CHST11: variants seen among roughly 807,000 people sequenced by gnomAD.
CHST11 encodes C4S-1.
Under a neutral mutation model 30.4 loss-of-function variants are expected in CHST11, and 9 were observed. That is an observed-to-expected ratio of 0.30 (90% CI 0.18 to 0.52). CHST11 has a LOEUF of 0.52. Among genes scored for constraint, CHST11 ranks in the 20% least tolerant of loss-of-function variants. The pLI is 0.97. For missense variants in CHST11, 348 were observed against 460.6 expected (o/e 0.76, Z 2.24); for synonymous variants, 152 against 187.8 (o/e 0.81, Z 1.56).
intron 1 of CHST11, among the ~76,000 whole-genome samples, chr12:104,521,683 G>A (rs1409931464): frequency 2.0e-5 from 3 of 152,156 alleles, no homozygotes; most frequent in Admixed American, 6.5e-5. Flanking sequence ...GGTGTCCTGC[G>A]TAACGGTGTC....
chr12:104,577,569 A>G (rs2038697703), intron 1 of CHST11, among the ~76,000 whole-genome samples: 1 of 145,218 alleles, frequency 6.9e-6, no homozygotes, highest in African/African-American at 2.5e-5. Context: ...TGAGGCAGAC[A>G]CTAGTGAGCT....
chr12:104,515,792 G>T (rs375662147), intron 1 of CHST11, among the ~76,000 whole-genome samples: 1 of 152,206 alleles, frequency 6.6e-6, no homozygotes, highest in South Asian at 2.1e-4. Context: ...TGGGGTGTGA[G>T]CCCTGAACCT....
intron 2 of CHST11, among the ~76,000 whole-genome samples, chr12:104,661,580 G>A (rs7974091): frequency 0.4 from 61,290 of 151,960 alleles, 12,540 homozygotes; most frequent in South Asian, 0.45. Context: ...TGGCACCATC[G>A]CTGCACATTT....
rs143419541 is a variant in CHST11 at position 104,632,114 on chromosome 12, G to T, written c.204+30123G>T. 1.2e-3 allele frequency among the ~76,000 whole-genome samples: 185 copies of T among 152,264 alleles called. 1 individual carries two copies. Among genetic ancestry groups the T allele is most frequent in the African/African-American group, 4.1e-3 (171 of 41,548 alleles). On this transcript the variant is annotated intron_variant, in intron 2 of 2. Coordinates refer to ENST00000303694, the MANE Select transcript of CHST11 (RefSeq NM_018413.6). ...TGTGAAGCAGAGCCCCGTCCCCGAG[G>T]TGTCTGCAATGTGGGGAGGTGATGC...
chr12:104,634,362 C>T (rs1408334045), intron 2 of CHST11, among the ~76,000 whole-genome samples: 2 of 152,062 alleles, frequency 1.3e-5, no homozygotes, highest in African/African-American at 4.8e-5. Context: ...ATCCAGAGGT[C>T]GTCATGTGGA....
intron 2 of CHST11, among the ~76,000 whole-genome samples, chr12:104,744,727 A>G (rs1212767359): frequency 6.6e-6 from 1 of 152,084 alleles, no homozygotes; most frequent in Non-Finnish European, 1.5e-5. Context: ...TAGGGTTTTT[A>G]TAGTTTTGGG....
At chr12:104,611,535 G>A (rs150699448) in intron 2 of CHST11, among the ~76,000 whole-genome samples, 241 of 152,274 alleles carry the variant, frequency 1.6e-3, no homozygotes, top group African/African-American at 5.6e-3. Flanking sequence ...AGCTACTATG[G>A]GCCAGCCCCA....
At chr12:104,654,274 A>T (rs1047278961) in intron 2 of CHST11, among the ~76,000 whole-genome samples, 6 of 152,220 alleles carry the variant, frequency 3.9e-5, no homozygotes, top group African/African-American at 1.2e-4. Flanking sequence ...AGCTGGTCCC[A>T]GTACTTGGTA....
intron 2 of CHST11, among the ~76,000 whole-genome samples, chr12:104,690,528 T>C (rs1292412486): frequency 1.3e-5 from 2 of 152,190 alleles, no homozygotes; most frequent in Non-Finnish European, 2.9e-5. Context: ...AACAGGCTGC[T>C]TGAAAAGAGA....
intron 2 of CHST11, among the ~76,000 whole-genome samples, chr12:104,644,031 CT>C (rs1332901873): frequency 1.3e-5 from 2 of 152,198 alleles, no homozygotes; most frequent in East Asian, 3.8e-4. Context: ...CTAGTGGAGA[CT>C]GCTTTTCTTG....
intron 1 of CHST11, among the ~76,000 whole-genome samples, chr12:104,502,584 C>T (rs1184114875): frequency 6.6e-6 from 1 of 152,108 alleles, no homozygotes. Flanking sequence ...AGCCCTACTC[C>T]CCGCATCTGA....
At position 104,741,003 on chromosome 12, in the gene CHST11, C is replaced by T. The variant is rs1289660786; in HGVS notation, c.205-15946C>T. 2.6e-5 allele frequency among the ~76,000 whole-genome samples: 4 copies of T among 152,356 alleles called. No individual in the cohort carries two copies. In the East Asian group the frequency reaches 7.7e-4, roughly 29 times the overall value. The stretch of plus-strand genomic sequence containing the variant: ...TGATAAACAAAATCTTCTTAGTACT[C>T]TGCAAAGATGTTCATGTGTTGCCAC... On this transcript the variant is annotated intron_variant, in intron 2 of 2. Coordinates refer to ENST00000303694, the MANE Select transcript of CHST11 (RefSeq NM_018413.6).
At chr12:104,511,294 A>G (rs1296870136) in intron 1 of CHST11, among the ~76,000 whole-genome samples, 13 of 152,078 alleles carry the variant, frequency 8.5e-5, no homozygotes, top group African/African-American at 3.1e-4. Context: ...CCTTCTTTGC[A>G]TTGCTCAGGA....
chr12:104,544,609 A>AT (rs2038324654), intron 1 of CHST11, among the ~76,000 whole-genome samples: 1 of 150,446 alleles, frequency 6.6e-6, no homozygotes, highest in African/African-American at 2.4e-5. Context: ...CAGGAGGCTG[A>AT]TGCAGGAGAA....
chr12:104,680,939 T>C (rs1359029153), intron 2 of CHST11, among the ~76,000 whole-genome samples: 2 of 152,248 alleles, frequency 1.3e-5, no homozygotes, highest in African/African-American at 4.8e-5. Context: ...TGTGTGGTCT[T>C]GGACAAGTCT....
At chr12:104,668,651 G>A (rs2039662931) in intron 2 of CHST11, among the ~76,000 whole-genome samples, 3 of 152,288 alleles carry the variant, frequency 2.0e-5, no homozygotes, top group Middle Eastern at 3.4e-3. Flanking sequence ...TAGTTCCGAC[G>A]TTTATTATCC....
At chr12:104,525,400 GAGA>G (rs1404344804) in intron 1 of CHST11, among the ~76,000 whole-genome samples, 1 of 152,220 alleles carries the variant, frequency 6.6e-6, no homozygotes, top group Non-Finnish European at 1.5e-5. Flanking sequence ...AAGGCCAGTT[GAGA>G]AGAAGAGGAT....
intron 1 of CHST11, among the ~76,000 whole-genome samples, chr12:104,578,036 A>G (rs568143769): frequency 1.3e-5 from 2 of 152,334 alleles, no homozygotes; most frequent in African/African-American, 4.8e-5. Flanking sequence ...GCACGGTGCC[A>G]GTGGAATTTT....
At chr12:104,709,046 T>G (rs1054286478) in intron 2 of CHST11, among the ~76,000 whole-genome samples, 1 of 152,278 alleles carries the variant, frequency 6.6e-6, no homozygotes, top group Admixed American at 6.5e-5. Context: ...GCACCCGGGA[T>G]GAGGAGGAGC....
Sources: gnomAD v4.1 joint callset for allele counts (sites outside exome capture counted in the v4.1 genomes callset) on GRCh38, gnomAD v4.1.1 for gene constraint, MANE v1.5 for transcripts, NCBI Gene and HGNC (gene_info 2026-07-23, HGNC 2026-07-21) for gene names.